WWOX: variants seen among roughly 807,000 people sequenced by gnomAD.
WWOX encodes the protein WW domain containing oxidoreductase.
Under a neutral mutation model 46.2 loss-of-function variants are expected in WWOX, and 69 were observed. The observed-to-expected ratio is 1.49, with a 90% CI of 1.23 to 1.82. The LOEUF (loss-of-function observed/expected upper bound fraction) is 1.82. Among genes scored for constraint, WWOX ranks in the 40% most tolerant of loss-of-function variants. The pLI, the probability that WWOX is intolerant of heterozygous loss-of-function variation, is 0.00. For missense variants in WWOX, 919 were observed against 542.6 expected, an observed-to-expected ratio of 1.69 and a Z score of -6.89; for synonymous variants, 359 against 202.6, an observed-to-expected ratio of 1.77 and a Z score of -6.56.
chr16:78,642,253 G>T lies in WWOX; in HGVS notation c.1056+209501G>T, dbSNP rs901572126. On this transcript the variant is annotated intron_variant, in intron 8 of 8. Transcript: ENST00000566780. ...CAAGAAGGTGTTGACTTACTGCAAG[G>T]TTAAGGAAATGGGTGGAGAATGTAG... Among the ~76,000 whole-genome samples, 7 of 152,170 alleles carry T rather than the reference G, an allele frequency of 4.6e-5. No individual in the cohort carries two copies. In the East Asian group the frequency reaches 5.8e-4, roughly 13 times the overall value.
intron 8 of WWOX, among the ~76,000 whole-genome samples, chr16:79,049,643 C>G (rs8049564): frequency 0.016 from 2,385 of 152,150 alleles, 56 homozygotes; most frequent in African/African-American, 0.055. Context: ...CAAGACCAGC[C>G]TGGCCATGAT....
intron 8 of WWOX, among the ~76,000 whole-genome samples, chr16:78,501,181 C>CTT (rs67706943): frequency 1.1e-4 from 12 of 109,370 alleles, no homozygotes; most frequent in South Asian, 3.5e-4. Context: ...TTCTTTCTCT[C>CTT]TCTTTCTTTC....
intron 8 of WWOX, among the ~76,000 whole-genome samples, chr16:79,143,915 T>C (rs904846430): frequency 1.3e-5 from 2 of 152,280 alleles, no homozygotes; most frequent in Admixed American, 6.5e-5. Flanking sequence ...GCTTAATTTT[T>C]TTCTTTTGAG....
chr16:78,862,761 C>T (rs569935803), intron 8 of WWOX, among the ~76,000 whole-genome samples: 2 of 152,056 alleles, frequency 1.3e-5, no homozygotes, highest in Non-Finnish European at 2.9e-5. Context: ...TTATTTTATT[C>T]AGGCCTTCAA....
At chr16:78,579,365 A>C (rs938284740) in intron 8 of WWOX, among the ~76,000 whole-genome samples, 11 of 152,278 alleles carry the variant, frequency 7.2e-5, no homozygotes, top group Admixed American at 7.2e-4. Context: ...TCCAAAGGCG[A>C]AGAGATGTCT....
At chr16:78,835,868 T>G (rs888546482) in intron 8 of WWOX, among the ~76,000 whole-genome samples, 2 of 152,240 alleles carry the variant, frequency 1.3e-5, no homozygotes, top group Non-Finnish European at 2.9e-5. Context: ...ACATATTTAT[T>G]TTTTTGTTTC....
At chr16:78,957,223 C>G (rs985270275) in intron 8 of WWOX, among the ~76,000 whole-genome samples, 1 of 152,148 alleles carries the variant, frequency 6.6e-6, no homozygotes, top group Non-Finnish European at 1.5e-5. Context: ...TCCAGCAAAC[C>G]ACACCGCCGT....
intron 8 of WWOX, among the ~76,000 whole-genome samples, chr16:78,971,473 A>AAAG (rs1567449010): frequency 7.3e-6 from 1 of 136,700 alleles, no homozygotes; most frequent in Non-Finnish European, 1.6e-5. Context: ...AAAAAAAAAA[A>AAAG]AGAGAGAGAT....
intron 8 of WWOX, among the ~76,000 whole-genome samples, chr16:79,084,177 T>G (rs1162659533): frequency 6.6e-6 from 1 of 152,120 alleles, no homozygotes; most frequent in Non-Finnish European, 1.5e-5. Context: ...ACTCTTGGTG[T>G]TCAGAAGGCC....
intron 8 of WWOX, among the ~76,000 whole-genome samples, chr16:78,845,074 G>A (rs957221015): frequency 2.0e-5 from 3 of 151,798 alleles, no homozygotes; most frequent in African/African-American, 4.8e-5. Flanking sequence ...CATTCCAAAG[G>A]GTCGTTGTCT....
At chr16:79,062,105 A>T (rs530459527) in intron 8 of WWOX, among the ~76,000 whole-genome samples, 4 of 152,244 alleles carry the variant, frequency 2.6e-5, no homozygotes, top group African/African-American at 9.6e-5. Flanking sequence ...ACCCCACGTG[A>T]TCTCATAGCA....
intron 8 of WWOX, among the ~76,000 whole-genome samples, chr16:78,594,847 C>G (rs1299146226): frequency 2.6e-5 from 4 of 152,186 alleles, no homozygotes; most frequent in Admixed American, 1.3e-4. Context: ...CATAGTTTCT[C>G]TGTTTCAAAT....
intron 8 of WWOX, among the ~76,000 whole-genome samples, chr16:79,054,383 A>G (rs1452543071): frequency 6.6e-6 from 1 of 152,214 alleles, no homozygotes; most frequent in Non-Finnish European, 1.5e-5. Context: ...CAGCTTGTTC[A>G]GTTGCATCCT....
chr16:78,461,129 T>C (rs1032878969), intron 8 of WWOX, among the ~76,000 whole-genome samples: 14 of 152,352 alleles, frequency 9.2e-5, no homozygotes, highest in African/African-American at 3.1e-4. Context: ...TTTGATAACT[T>C]TCTGACTTGA....
At chr16:78,968,095 ATGGCACAGCGCGTGGTCCG>A (rs2046397309) in intron 8 of WWOX, among the ~76,000 whole-genome samples, 1 of 130,524 alleles carries the variant, frequency 7.7e-6, no homozygotes, top group Admixed American at 8.3e-5. Flanking sequence ...CATGGTCCGC[ATGGCACAGCGCGTGGTCCG>A]CGTGGCACAG....
Position 78,344,527 on chromosome 16 carries a change from A to T in WWOX, c.517-42333A>T, listed in dbSNP as rs1488989091. Among the ~76,000 whole-genome samples, 9 of 120,818 alleles carry T rather than the reference A, an allele frequency of 7.4e-5. 3 individuals are homozygous for T. Among genetic ancestry groups the T allele is most frequent in the African/African-American group, 2.2e-4 (8 of 35,670 alleles). 79.3% of individuals were successfully genotyped at this position (120,818 alleles called of 152,430 possible). On this transcript the variant is annotated intron_variant, in intron 5 of 8. Transcript: ENST00000566780. ...TAAATGAACACAGGAAATGCCATTC[A>T]CCTTTACCATGAATGGGAATCTTTG...
intron 8 of WWOX, among the ~76,000 whole-genome samples, chr16:78,798,571 C>T (rs934249746): frequency 2.7e-5 from 4 of 146,558 alleles, no homozygotes; most frequent in Non-Finnish European, 4.5e-5. Context: ...CCTCCCTCCC[C>T]CCAAGGTAGT....
At chr16:78,283,052 G>A (rs1258192605) in intron 5 of WWOX, among the ~76,000 whole-genome samples, 2 of 152,108 alleles carry the variant, frequency 1.3e-5, no homozygotes, top group African/African-American at 4.8e-5. Flanking sequence ...CGATGAGCCA[G>A]TGTCTGCTGG....
intron 5 of WWOX, among the ~76,000 whole-genome samples, chr16:78,370,624 T>C (rs975649856): frequency 6.6e-6 from 1 of 152,144 alleles, no homozygotes; most frequent in Non-Finnish European, 1.5e-5. Flanking sequence ...CTTCTTATTG[T>C]GTCTATCTTT....
Sources: allele counts gnomAD v4.1 joint callset (sites outside exome capture counted in the v4.1 genomes callset), GRCh38; gene constraint gnomAD v4.1.1; transcripts MANE v1.5; gene names NCBI Gene and HGNC (gene_info 2026-07-23, HGNC 2026-07-21).